Variants in ADARB2 observed in about 807,000 individuals in gnomAD.
The protein encoded by ADARB2 is inactive double-stranded RNA-specific editase B2.
Under a neutral mutation model 62.2 loss-of-function variants are expected in ADARB2, and 25 were observed. The ratio of observed to expected loss-of-function variants is 0.40; its 90% CI spans 0.29 to 0.56. The LOEUF is 0.56. Ranked by LOEUF, ADARB2 falls within the 20% of genes least tolerant of loss-of-function variation. The probability of loss-of-function intolerance (pLI) is 0.43; values close to 1 mark genes in which losing one functional copy is unlikely to be tolerated. For missense variants in ADARB2, 1,071 were observed against 1,077.4 expected, an observed-to-expected ratio of 0.99 and a Z score of 0.08; for synonymous variants, 572 against 500.8, an observed-to-expected ratio of 1.14 and a Z score of -1.90.
chr10:1,565,100 C>T (rs181249187), intron 1 of ADARB2, among the ~76,000 whole-genome samples: 25 of 152,340 alleles, frequency 1.6e-4, no homozygotes, highest in South Asian at 2.1e-4. Flanking sequence ...CTTCTGATTA[C>T]GCTGGCACCA....
At chr10:1,570,747 T>C (rs769208994) in intron 1 of ADARB2, among the ~76,000 whole-genome samples, 29 of 152,068 alleles carry the variant, frequency 1.9e-4, no homozygotes, top group Non-Finnish European at 3.7e-4. Flanking sequence ...GGCTGGTTAT[T>C]GTAGTGGCTG....
Position 1,704,154 on chromosome 10 carries a change from G to T in ADARB2, c.100+32897C>A, listed in dbSNP as rs544538051. ...TGTCCCCAACCTTTCTGGCACCAGG[G>T]ATGGCTGGTTTTGTGGAAGACAATT... On this transcript the variant is annotated intron_variant, in intron 1 of 9. Coordinates refer to ENST00000381312, the MANE Select transcript of ADARB2 (RefSeq NM_018702.4). The surrounding 1 kb of genome is among the most constrained non-coding windows in gnomAD (Gnocchi z 5.6). Among the ~76,000 whole-genome samples, 7 of 152,352 alleles carry T rather than the reference G, an allele frequency of 4.6e-5. No individual in the cohort carries two copies. The South Asian group carries it at 1.5e-3, about 32-fold the overall frequency.
intron 1 of ADARB2, among the ~76,000 whole-genome samples, chr10:1,647,349 A>ATG (rs1834056010): frequency 1.3e-5 from 2 of 152,222 alleles, no homozygotes; most frequent in Admixed American, 6.5e-5. Flanking sequence ...GTGCATGTAT[A>ATG]TATGTGTGTG....
intron 1 of ADARB2, among the ~76,000 whole-genome samples, chr10:1,482,218 C>A (rs1254058461): frequency 1.3e-5 from 2 of 152,188 alleles, no homozygotes; most frequent in African/African-American, 4.8e-5. Context: ...TGATTCCTAA[C>A]TTGCACTTGT....
chr10:1,244,376 T>C (rs1830958009), intron 4 of ADARB2, among the ~76,000 whole-genome samples: 2 of 152,380 alleles, frequency 1.3e-5, no homozygotes, highest in Admixed American at 6.5e-5. Flanking sequence ...ATGCAGTCTC[T>C]GGTGGAAACG....
intron 1 of ADARB2, among the ~76,000 whole-genome samples, chr10:1,681,475 TA>T (rs909809411): frequency 2.8e-5 from 4 of 145,182 alleles, no homozygotes; most frequent in African/African-American, 8.0e-5. Context: ...TAATATAGCT[TA>T]AAAAATATTA....
At chr10:1,368,817 C>G (rs12762472) in intron 2 of ADARB2, among the ~76,000 whole-genome samples, 123,714 of 143,162 alleles carry the variant, frequency 0.86, 56,282 homozygotes, top group Non-Finnish European at 1. Flanking sequence ...CACTATGACC[C>G]TGTGACAGTC....
chr10:1,512,750 G>T (rs1265071502), intron 1 of ADARB2, among the ~76,000 whole-genome samples: 1 of 152,202 alleles, frequency 6.6e-6, no homozygotes, highest in Non-Finnish European at 1.5e-5. Context: ...AGAGTTGTTT[G>T]TCCCCCAGGG....
rs184279922 is a variant in ADARB2, at chr10:1,327,305, G to A, written c.1077+35723C>T. ...TCCTCACTGCCCAGCGCCTCCCCAC[G>A]GCACAGCACCTCCTCACTGCACAGC... On this transcript the variant is annotated intron_variant, in intron 3 of 9. Coordinates refer to ENST00000381312, the MANE Select transcript of ADARB2 (RefSeq NM_018702.4). Among the ~76,000 whole-genome samples, 26 of 30,480 alleles carry A rather than the reference G, an allele frequency of 8.5e-4. 2 individuals are homozygous for A. Among genetic ancestry groups the A allele is most frequent in the South Asian group, 2.3e-3 (2 of 852 alleles). The allele number at this position is 30,480 out of a possible 152,430, so 20.0% of individuals were successfully genotyped here. A position where few individuals can be genotyped will look rare whatever the true frequency, so the allele number is the denominator to read the frequency against.
chr10:1,212,905 T>C (rs1837175915), intron 7 of ADARB2, among the ~76,000 whole-genome samples: 1 of 152,230 alleles, frequency 6.6e-6, no homozygotes, highest in Non-Finnish European at 1.5e-5. Context: ...CAAGCGGCAC[T>C]GATGAGCCCT....
chr10:1,226,343 C>T (rs889206603), intron 6 of ADARB2, among the ~76,000 whole-genome samples: 2 of 152,118 alleles, frequency 1.3e-5, no homozygotes, highest in Admixed American at 1.3e-4. Context: ...ACTTCTTTGC[C>T]ATTGGTTCGA....
chr10:1,434,224 G>A (rs1444681058), intron 1 of ADARB2, among the ~76,000 whole-genome samples: 12 of 152,176 alleles, frequency 7.9e-5, no homozygotes, highest in Non-Finnish European at 1.5e-5. Context: ...AAAATAACAC[G>A]AAGAGGTGAT....
intron 1 of ADARB2, among the ~76,000 whole-genome samples, chr10:1,613,076 T>C (rs1833591107): frequency 6.6e-6 from 1 of 152,332 alleles, no homozygotes; most frequent in Non-Finnish European, 1.5e-5. Flanking sequence ...TTCAGAATTG[T>C]AAAGGCTCTG....
chr10:1,653,935 C>T (rs530817637), intron 1 of ADARB2, among the ~76,000 whole-genome samples: 4 of 152,232 alleles, frequency 2.6e-5, no homozygotes, highest in South Asian at 4.2e-4. Context: ...AGGGAGGCTC[C>T]GTGTGGCTGG....
chr10:1,581,487 C>A (rs565803160), intron 1 of ADARB2, among the ~76,000 whole-genome samples: 3 of 152,238 alleles, frequency 2.0e-5, no homozygotes, highest in Non-Finnish European at 4.4e-5. Flanking sequence ...GAGTTCCCAG[C>A]CTGGCTCTAC....
chr10:1,571,336 T>G (rs771216636), intron 1 of ADARB2, among the ~76,000 whole-genome samples: 4 of 152,190 alleles, frequency 2.6e-5, no homozygotes, highest in Admixed American at 6.5e-5. Context: ...TACAATTTCA[T>G]GAAAATATTT....
chr10:1,662,497 C>T (rs570019682), intron 1 of ADARB2, among the ~76,000 whole-genome samples: 8 of 152,342 alleles, frequency 5.3e-5, no homozygotes, highest in Non-Finnish European at 8.8e-5. Flanking sequence ...TCAGTGCAGC[C>T]ACGTGGGCCC....
chr10:1,636,650 C>A (rs921726514), intron 1 of ADARB2, among the ~76,000 whole-genome samples: 1 of 151,488 alleles, frequency 6.6e-6, no homozygotes, highest in Non-Finnish European at 1.5e-5. Context: ...TGATATAAAT[C>A]TTGTACTTAT....
chr10:1,455,126 C>G (rs991968827), intron 1 of ADARB2, among the ~76,000 whole-genome samples: 3 of 152,178 alleles, frequency 2.0e-5, no homozygotes, highest in Non-Finnish European at 2.9e-5. Flanking sequence ...TATTTACAGG[C>G]AAAGCCACAT....
Sources: allele counts gnomAD v4.1 joint callset (sites outside exome capture counted in the v4.1 genomes callset), GRCh38; gene constraint gnomAD v4.1.1; non-coding constraint Gnocchi (gnomAD v3.1); transcripts MANE v1.5; gene names NCBI Gene and HGNC (gene_info 2026-07-23, HGNC 2026-07-21).